Variants in PCDHGA5 observed in about 807,000 individuals in gnomAD.
PCDHGA5 encodes the protein protocadherin gamma subfamily A, 5.
In PCDHGA5, 36 loss-of-function variants were observed where a neutral mutation model predicts 56.7. That is an observed-to-expected ratio of 0.64 (90% CI 0.49 to 0.84). The LOEUF (loss-of-function observed/expected upper bound fraction) is 0.84, where lower values mean the gene tolerates loss of function less well. Among genes scored for constraint, PCDHGA5 ranks in the 40% least tolerant of loss-of-function variants. The probability of loss-of-function intolerance (pLI) is 0.00; values close to 1 mark genes in which losing one functional copy is unlikely to be tolerated. For missense variants in PCDHGA5, 1,305 were observed against 1,201.5 expected, an observed-to-expected ratio of 1.09 and a Z score of -1.27; for synonymous variants, 563 against 520.2, an observed-to-expected ratio of 1.08 and a Z score of -1.12.
At chr5:141,425,695 T>G (rs1329762653) in intron 1 of PCDHGA5, among the ~76,000 whole-genome samples, 1 of 152,232 alleles carries the variant, frequency 6.6e-6, no homozygotes, top group African/African-American at 2.4e-5. Context: ...TATCATTTCA[T>G]AGTGGTCAAA....
chr5:141,427,197 A>C (rs1277186420), intron 1 of PCDHGA5: 4 of 456,762 alleles, frequency 8.8e-6, no homozygotes, highest in Admixed American at 2.3e-5. Context: ...CAAAGACTTA[A>C]TAGACTTCGA....
intron 1 of PCDHGA5, among the ~76,000 whole-genome samples, chr5:141,483,553 C>G (rs955671854): frequency 2.0e-5 from 3 of 152,230 alleles, no homozygotes; most frequent in Admixed American, 2.0e-4. Context: ...CAGTGCCATT[C>G]ACAGAGACAG....
At chr5:141,403,708 T>C (rs1265644591) in intron 1 of PCDHGA5, 2 of 1,613,906 alleles carry the variant, frequency 1.2e-6, no homozygotes, top group South Asian at 1.1e-5. Flanking sequence ...TTAAAGTCCT[T>C]GAGAACGTGC....
chr5:141,494,643 AG>A, intron 1 of PCDHGA5, 163 bp from the exon 2 acceptor site: 1 of 928,048 alleles, frequency 1.1e-6, no homozygotes, highest in Non-Finnish European at 1.3e-6. Flanking sequence ...CTGAGACCTG[AG>A]GTGTATTTTG....
intron 1 of PCDHGA5, among the ~76,000 whole-genome samples, chr5:141,437,556 T>C (rs1427506223): frequency 6.6e-6 from 1 of 152,228 alleles, no homozygotes; most frequent in African/African-American, 2.4e-5. Context: ...CTTTATGACA[T>C]GTAACAGAGT....
intron 1 of PCDHGA5, among the ~76,000 whole-genome samples, chr5:141,442,810 T>C (rs2098345227): frequency 6.6e-6 from 1 of 152,222 alleles, no homozygotes; most frequent in Non-Finnish European, 1.5e-5. Context: ...ATTCAAATTG[T>C]ACTGATCCAA....
chr5:141,411,859 C>CA (rs553337516), intron 1 of PCDHGA5: 8,585 of 145,752 alleles, frequency 0.059, 330 homozygotes, highest in Non-Finnish European at 0.088. Context: ...GACCCTGTCT[C>CA]AAAAAAAAAA....
rs1391925170 is a variant in PCDHGA5, at chr5:141,364,831, C to T, written c.501C>T (p.Leu167=). 6.2e-7 allele frequency: 1 copy of T among 1,613,892 alleles called. No individual in the cohort carries two copies. Among genetic ancestry groups the T allele is most frequent in the Non-Finnish European group, 8.5e-7 (1 of 1,179,898 alleles). Residue 167 remains leucine, a synonymous_variant, in exon 1 of 4, where the codon CTC becomes CTT. Transcript: ENST00000518069. ...ATGCGGATGTGGGTGTGAACTCTCT[C>T]CGGAGTTACCAGCTCAGCTCCAATC... ...ARDADVGVNS[L]RSYQLSSNLH...
intron 1 of PCDHGA5, chr5:141,376,373 C>G (rs368702591): frequency 1.2e-6 from 2 of 1,614,192 alleles, no homozygotes; most frequent in Non-Finnish European, 1.7e-6. Flanking sequence ...TGCAGACTCG[C>G]GTAAGAGTCA....
rs561817609 is a variant in PCDHGA5, at chr5:141,496,904, G to A, written c.2480+2039G>A. Among the ~76,000 whole-genome samples, 12 of 137,476 alleles carry A rather than the reference G, an allele frequency of 8.7e-5. 1 individual carries two copies. The South Asian group carries it at 2.0e-3, about 23-fold the overall frequency. The allele number at this position is 137,476 out of a possible 152,430, so 90.2% of individuals were successfully genotyped here. On this transcript the variant is annotated intron_variant, in intron 2 of 3. Transcript: ENST00000518069. ...AGTAACACTTAAAAAAAAAAAAAAA[G>A]GCTGGGCACTGTGGTTCACGCCTGT...
chr5:141,510,252 G>A (rs1342841474), intron 3 of PCDHGA5, among the ~76,000 whole-genome samples: 4 of 148,432 alleles, frequency 2.7e-5, no homozygotes, highest in Admixed American at 1.3e-4. Context: ...CAGGCTGGGC[G>A]ACAGAGCAGG....
At chr5:141,367,537 A>AAAGT (rs373624904) in intron 1 of PCDHGA5, 2,027 of 147,518 alleles carry the variant, frequency 0.014, 47 homozygotes, top group African/African-American at 0.049. Flanking sequence ...ACTCCGTCTC[A>AAAGT]AAATAAATAA....
intron 1 of PCDHGA5, among the ~76,000 whole-genome samples, chr5:141,380,002 C>A (rs1238165554): frequency 6.9e-6 from 1 of 143,940 alleles, no homozygotes; most frequent in Non-Finnish European, 1.5e-5. Flanking sequence ...TGGGTTCAAG[C>A]GATTCTCCTG....
intron 2 of PCDHGA5, among the ~76,000 whole-genome samples, chr5:141,495,262 A>G (rs550950979): frequency 1.3e-5 from 2 of 152,246 alleles, no homozygotes; most frequent in South Asian, 2.1e-4. Flanking sequence ...GCAGAAAAGC[A>G]TTTGACCGGA....
intron 1 of PCDHGA5, chr5:141,398,504 T>C: frequency 6.2e-7 from 1 of 1,611,098 alleles, no homozygotes; most frequent in Admixed American, 1.7e-5. Flanking sequence ...ATCGAGGACA[T>C]TAATGACCAC....
intron 1 of PCDHGA5, chr5:141,372,327 A>G (rs1768669184): frequency 3.7e-6 from 6 of 1,613,586 alleles, no homozygotes; most frequent in Admixed American, 1.7e-5. Flanking sequence ...CCTGCTGGTC[A>G]CTGTGCGTGA....
rs372458558 is a variant in PCDHGA5, at chr5:141,384,112, G to A, written c.2421+17361G>A. On this transcript the variant is annotated intron_variant, in intron 1 of 3. Transcript: ENST00000518069. ...ATCAATAGATAATTATTATAGATTG[G>A]TCACAACCAAAAACTTGGACCGGGA... The A allele has an allele frequency of 8.1e-6, 13 of 1,605,274 alleles. No individual in the cohort carries two copies. The South Asian group carries it at 8.9e-5, about 11-fold the overall frequency.
At chr5:141,443,665 AACT>A (rs2154560310) in intron 1 of PCDHGA5, among the ~76,000 whole-genome samples, 1 of 152,358 alleles carries the variant, frequency 6.6e-6, no homozygotes, top group African/African-American at 2.4e-5. Context: ...CATTTTACTG[AACT>A]AGTAGTTTAC....
chr5:141,369,151 T>C (rs1013865524), intron 1 of PCDHGA5, among the ~76,000 whole-genome samples: 6 of 152,206 alleles, frequency 3.9e-5, no homozygotes, highest in African/African-American at 1.4e-4. Context: ...GGCATGTTAT[T>C]GACCAGGGAA....
Sources: gnomAD v4.1 joint callset for allele counts (sites outside exome capture counted in the v4.1 genomes callset) on GRCh38, gnomAD v4.1.1 for gene constraint, MANE v1.5 for transcripts, NCBI Gene and HGNC (gene_info 2026-07-23, HGNC 2026-07-21) for gene names.